EFR3B: variants seen among roughly 807,000 people sequenced by gnomAD.
EFR3B encodes the protein protein EFR3 homolog B.
A neutral mutation model predicts 104.7 loss-of-function variants in EFR3B; 64 were observed. That is an observed-to-expected ratio of 0.61 (90% CI 0.50 to 0.75). The LOEUF is 0.75. Among genes scored for constraint, EFR3B ranks in the 30% least tolerant of loss-of-function variants. The pLI, the probability that EFR3B is intolerant of heterozygous loss-of-function variation, is 0.00. For synonymous variants in EFR3B, 385 were observed against 417.9 expected (o/e 0.92, Z 0.96); for missense variants, 750 against 1,078.5 (o/e 0.70, Z 4.27).
At chr2:25,122,689 C>T (rs1352701559) in intron 5 of EFR3B, among the ~76,000 whole-genome samples, 1 of 152,088 alleles carries the variant, frequency 6.6e-6, no homozygotes, top group Non-Finnish European at 1.5e-5. Flanking sequence ...CAAATGTCCC[C>T]TTGTCAGTGA....
At chr2:25,140,502 TCCTCTG>T in intron 16 of EFR3B, among the ~76,000 whole-genome samples, 1 of 152,138 alleles carries the variant, frequency 6.6e-6, no homozygotes, top group Admixed American at 6.6e-5. Flanking sequence ...TGCCCAGACA[TCCTCTG>T]CCTGACAATT....
chr2:25,076,045 A>G (rs936782628), intron 1 of EFR3B, among the ~76,000 whole-genome samples: 5 of 152,162 alleles, frequency 3.3e-5, no homozygotes, highest in Admixed American at 6.6e-5. Flanking sequence ...GGCATGCGCC[A>G]CCATGCCTGG....
chr2:25,092,337 G>T (rs1025323283), intron 2 of EFR3B, among the ~76,000 whole-genome samples: 12 of 151,324 alleles, frequency 7.9e-5, no homozygotes, highest in Non-Finnish European at 1.5e-4. Flanking sequence ...CAAAGTGCTG[G>T]GATTACAGGC....
chr2:25,135,459 C>T lies in EFR3B; in HGVS notation c.1312-8C>T. 6 of 1,551,640 alleles carry T rather than the reference C, an allele frequency of 3.9e-6. No homozygotes were observed. The highest frequency in any genetic ancestry group is 5.2e-6 in the Non-Finnish European group (6 of 1,146,952). On this transcript the variant is annotated splice_region_variant and splice_polypyrimidine_tract_variant and intron_variant, in intron 12 of 22. Transcript: ENST00000403714. ...TCCTAGGCATAGCTGTCCATACCTC[C>T]CTTGCAGGTATCCACAGGTTTCCAG...
intron 1 of EFR3B, among the ~76,000 whole-genome samples, chr2:25,082,561 CT>C (rs1668838581): frequency 6.6e-6 from 1 of 152,218 alleles, no homozygotes; most frequent in South Asian, 2.1e-4. Flanking sequence ...AGATCTTTTG[CT>C]AAGTGCCTCA....
chr2:25,044,582 C>T (rs1216693870), intron 1 of EFR3B, among the ~76,000 whole-genome samples: 1 of 152,122 alleles, frequency 6.6e-6, no homozygotes, highest in Non-Finnish European at 1.5e-5. Flanking sequence ...TGCGCTTCTC[C>T]CCCTCCCACC....
In EFR3B at chr2:25,130,726, C is replaced by G; in HGVS notation, c.849+96C>G. 1 of 1,169,852 alleles carries G rather than the reference C, an allele frequency of 8.5e-7. No homozygotes were observed. Among genetic ancestry groups the G allele is most frequent in the Admixed American group, 2.0e-5 (1 of 50,172 alleles). The allele number at this position is 1,169,852 out of a possible 1,614,324, so 72.5% of individuals were successfully genotyped here. A position where few individuals can be genotyped will look rare whatever the true frequency, so the allele number is the denominator to read the frequency against. ...ATAGAAAGCCAGAAGTCCCCTGTGA[C>G]TCCTCCGAAGCCCCCAGTTGCCGAA... On this transcript the variant is annotated intron_variant, in intron 8 of 22. Transcript: ENST00000403714. The surrounding 1 kb of genome is among the most constrained non-coding windows in gnomAD (Gnocchi z 4.6).
At chr2:25,080,111 C>T in intron 1 of EFR3B, 1 of 1,007,536 alleles carries the variant, frequency 9.9e-7, no homozygotes, top group South Asian at 1.3e-5. Flanking sequence ...TCTTTTACTG[C>T]CGTGACTATA....
In EFR3B at chr2:25,062,926, TTTTC is replaced by T. The variant is rs1169690082; in HGVS notation, c.7+20611_7+20614del. On this transcript the variant is annotated intron_variant, in intron 1 of 22. Coordinates refer to ENST00000403714, the MANE Select transcript of EFR3B (RefSeq NM_014971.2). Reference sequence around the variant, plus strand: ...CTGGGTGTGAAGGATTGATTTTTCTTTTTCTTTTTTTTTTTTGAGACAAGTCTCG... The same window carrying T: ...CTGGGTGTGAAGGATTGATTTTTCTTTTTTTTTTTTTTGAGACAAGTCTCG... Among the ~76,000 whole-genome samples, 62 of 151,988 alleles carry T rather than the reference TTTTC, an allele frequency of 4.1e-4. 1 individual carries two copies. The highest frequency in any genetic ancestry group is 1.5e-3 in the African/African-American group (61 of 41,440).
intron 5 of EFR3B, 85 bp downstream of exon 5, chr2:25,121,879 G>A: frequency 6.6e-7 from 1 of 1,523,776 alleles, no homozygotes; most frequent in Non-Finnish European, 8.9e-7. Flanking sequence ...ACCTGCCATT[G>A]CGTGTCTGCT....
chr2:25,131,563 A>T lies in EFR3B; in HGVS notation c.985+60A>T. The T allele has an allele frequency of 6.5e-7, 1 of 1,541,208 alleles. No individual in the cohort carries two copies. The highest frequency in any genetic ancestry group is 2.5e-5 in the East Asian group (1 of 40,712). ...CCCCGCGGAGGCTGCCGCCTCTTAC[A>T]GAGAGAGGCAAGGGACAACAGGGAG... On this transcript the variant is annotated intron_variant, in intron 9 of 22. Coordinates refer to ENST00000403714, the MANE Select transcript of EFR3B (RefSeq NM_014971.2). The surrounding 1 kb of genome is among the most constrained non-coding windows in gnomAD (Gnocchi z 7.6).
In EFR3B at chr2:25,135,495, T is replaced by A; in HGVS notation, c.1340T>A (p.Met447Lys). ...TCCACAGGTTTCCAGTGCAACAACA[T>A]GATGTCAGCCCTGCCTAGCAACTTC... ...QVSTGFQCNN[M>K]MSALPSNFLD... The change falls in exon 13 of 23, where the codon ATG (methionine) becomes AAG (lysine). Residue 447 changes from methionine (M) to lysine (K), a missense_variant. Transcript: ENST00000403714. The A allele has an allele frequency of 1.3e-6, 2 of 1,551,750 alleles. No individual in the cohort carries two copies. Among genetic ancestry groups the A allele is most frequent in the Non-Finnish European group, 1.7e-6 (2 of 1,147,004 alleles).
At chr2:25,140,653 G>T (rs1455471042) in intron 16 of EFR3B, among the ~76,000 whole-genome samples, 2 of 152,184 alleles carry the variant, frequency 1.3e-5, no homozygotes, top group Non-Finnish European at 2.9e-5. Flanking sequence ...AGATGTCACT[G>T]TCCATCAGGG....
chr2:25,092,072 G>A (rs777460822), intron 2 of EFR3B, among the ~76,000 whole-genome samples: 1 of 151,694 alleles, frequency 6.6e-6, no homozygotes, highest in African/African-American at 2.4e-5. Context: ...TTAATTTGGG[G>A]TGGCTTTTTT....
chr2:25,137,540 C>G lies in EFR3B; in HGVS notation c.1722+38C>G. 6.4e-7 allele frequency: 1 copy of G among 1,550,862 alleles called. No homozygotes were observed. Among genetic ancestry groups the G allele is most frequent in the South Asian group, 1.2e-5 (1 of 83,992 alleles). On this transcript the variant is annotated intron_variant, in intron 15 of 22. Coordinates refer to ENST00000403714, the MANE Select transcript of EFR3B (RefSeq NM_014971.2). This position sits in a 1 kb window ranked among gnomAD's most constrained non-coding sequence, Gnocchi z 4.7. ...GTGCGCAGGGCATGGGGCTTGGGAT[C>G]AGGGGAGGGACTTGTTTTGGGCAAG...
At chr2:25,055,678 C>T (rs561710847) in intron 1 of EFR3B, among the ~76,000 whole-genome samples, 9 of 152,260 alleles carry the variant, frequency 5.9e-5, no homozygotes, top group Non-Finnish European at 1.2e-4. Flanking sequence ...CCCTAAATTA[C>T]GAGAACATTT....
At chr2:25,075,048 G>T (rs916845519) in intron 1 of EFR3B, among the ~76,000 whole-genome samples, 3 of 152,176 alleles carry the variant, frequency 2.0e-5, no homozygotes, top group Admixed American at 1.3e-4. Flanking sequence ...CGTAACTATA[G>T]TTCAGTATCC....
intron 4 of EFR3B, among the ~76,000 whole-genome samples, 154 bp downstream of exon 4, chr2:25,103,941 G>A (rs1558603169): frequency 1.3e-5 from 2 of 152,016 alleles, no homozygotes; most frequent in African/African-American, 2.4e-5. Context: ...GTCTCCCTTT[G>A]TGTGAACAAA....
intron 1 of EFR3B, among the ~76,000 whole-genome samples, chr2:25,061,803 TAAAAA>T (rs528980575): frequency 7.0e-6 from 1 of 142,136 alleles, no homozygotes; most frequent in Non-Finnish European, 1.5e-5. Context: ...GCCTACTTGT[TAAAAA>T]AAAAAAACAA....
Sources: gnomAD v4.1 joint callset for allele counts (sites outside exome capture counted in the v4.1 genomes callset) on GRCh38, gnomAD v4.1.1 for gene constraint, Gnocchi (gnomAD v3.1) non-coding constraint, MANE v1.5 for transcripts, NCBI Gene and HGNC (gene_info 2026-07-23, HGNC 2026-07-21) for gene names.